TP63: variants seen among roughly 807,000 people sequenced by gnomAD.
TP63 encodes tumor protein 63.
Under a neutral mutation model 82.8 loss-of-function variants are expected in TP63, and 17 were observed. That is an observed-to-expected ratio of 0.21 (90% CI 0.14 to 0.31). TP63 has a LOEUF of 0.31. Ranked by LOEUF, TP63 falls within the 10% of genes least tolerant of loss-of-function variation. The probability of loss-of-function intolerance (pLI) is 1.00; values close to 1 mark genes in which losing one functional copy is unlikely to be tolerated. For synonymous variants in TP63, 330 were observed against 321.7 expected, an observed-to-expected ratio of 1.03 and a Z score of -0.28; for missense variants, 648 against 895.3, an observed-to-expected ratio of 0.72 and a Z score of 3.52.
chr3:189,643,659 T>A, intron 1 of TP63, among the ~76,000 whole-genome samples: 1 of 152,190 alleles, frequency 6.6e-6, no homozygotes, highest in East Asian at 1.9e-4. Context: ...TCACCATCAT[T>A]TCTTTCCATC....
the TP63 span, among the ~76,000 whole-genome samples, chr3:189,603,677 G>A: frequency 0.13 from 3,028 of 22,844 alleles, 438 homozygotes; most frequent in East Asian, 0.34. Flanking sequence ...AAAAAAAAAA[G>A]AAGCACAGTC....
chr3:189,777,872 T>TTTTTTTTTC (rs1723936412), intron 3 of TP63, among the ~76,000 whole-genome samples: 1 of 138,668 alleles, frequency 7.2e-6, no homozygotes, highest in African/African-American at 2.7e-5. Context: ...TTTTTTTTTT[T>TTTTTTTTTC]TGAGTCAGAG....
intron 3 of TP63, among the ~76,000 whole-genome samples, chr3:189,750,395 A>G (rs1377979646): frequency 6.6e-6 from 1 of 152,170 alleles, no homozygotes; most frequent in Non-Finnish European, 1.5e-5. Flanking sequence ...TATAAGTTCT[A>G]ATGTTGAATA....
intron 3 of TP63, among the ~76,000 whole-genome samples, chr3:189,768,545 T>C (rs1159440650): frequency 1.3e-5 from 2 of 152,096 alleles, no homozygotes; most frequent in African/African-American, 4.8e-5. Context: ...GAAAGACAAA[T>C]AGTAAGAAAA....
At chr3:189,776,336 G>A (rs1014891037) in intron 3 of TP63, among the ~76,000 whole-genome samples, 3 of 152,192 alleles carry the variant, frequency 2.0e-5, no homozygotes, top group African/African-American at 2.4e-5. Flanking sequence ...CTCCAGAGAC[G>A]GAGACAGAGC....
At chr3:189,673,085 CCCT>C (rs142751038) in intron 1 of TP63, among the ~76,000 whole-genome samples, 3,460 of 152,170 alleles carry the variant, frequency 0.023, 137 homozygotes, top group African/African-American at 0.079. Flanking sequence ...AGGTGATCCA[CCCT>C]CCTCAGCCTC....
intron 3 of TP63, among the ~76,000 whole-genome samples, chr3:189,782,862 A>T (rs1431337394): frequency 2.0e-5 from 3 of 152,110 alleles, no homozygotes; most frequent in Admixed American, 1.3e-4. Flanking sequence ...AAGAAATTTT[A>T]AAAAATATTT....
chr3:189,691,338 C>CAAAAAAAAAAAAAAAAAAAAA (rs781098833), intron 1 of TP63, among the ~76,000 whole-genome samples: 11 of 67,088 alleles, frequency 1.6e-4, no homozygotes, highest in Admixed American at 2.0e-4. Context: ...GACTCCATCT[C>CAAAAAAAAAAAAAAAAAAAAA]AAAAAAAAAA....
At chr3:189,881,597 C>T in intron 10 of TP63, 1 of 845,640 alleles carries the variant, frequency 1.2e-6, no homozygotes, top group Non-Finnish European at 1.4e-6. Context: ...GTCTAAGGAA[C>T]AAGAATAATA....
chr3:189,716,085 A>G (rs1433190853), intron 1 of TP63, among the ~76,000 whole-genome samples: 1 of 152,192 alleles, frequency 6.6e-6, no homozygotes, highest in Non-Finnish European at 1.5e-5. Flanking sequence ...CATATGAGGA[A>G]ACTGAGGCTT....
the TP63 span, among the ~76,000 whole-genome samples, chr3:189,618,796 ATTATATATCCATTCTAG>A: frequency 6.6e-6 from 1 of 152,062 alleles, no homozygotes; most frequent in Non-Finnish European, 1.5e-5. Flanking sequence ...CTGGCTTCAT[ATTATATATCCATTCTAG>A]CCATGTCCTC....
At chr3:189,770,997 A>T (rs1486261699) in intron 3 of TP63, among the ~76,000 whole-genome samples, 1 of 152,092 alleles carries the variant, frequency 6.6e-6, no homozygotes, top group African/African-American at 2.4e-5. Flanking sequence ...CCTCACAACA[A>T]CAGGCAATGT....
chr3:189,857,767 C>T (rs1716470419), intron 4 of TP63, among the ~76,000 whole-genome samples: 1 of 152,110 alleles, frequency 6.6e-6, no homozygotes, highest in African/African-American at 2.4e-5. Context: ...TATCACTAAT[C>T]AGGGAAATGC....
In TP63 at chr3:189,866,629, T is replaced by A. The variant is rs1717758660; in HGVS notation, c.767-53T>A. ...CCTGTTCATGCAATTTCATTTTATTTTCTTTATTTTTAAGGTAAAGAACTA... is the reference window on the plus strand; with the variant it reads ...CCTGTTCATGCAATTTCATTTTATTATCTTTATTTTTAAGGTAAAGAACTA... On this transcript the variant is annotated intron_variant, in intron 5 of 13. Coordinates refer to ENST00000264731, the MANE Select transcript of TP63 (RefSeq NM_003722.5). 3.3e-6 allele frequency: 5 copies of A among 1,506,718 alleles called. No homozygotes were observed. The South Asian group carries it at 5.8e-5, about 17-fold the overall frequency. 93.3% of individuals were successfully genotyped at this position (1,506,718 alleles called of 1,614,324 possible).
At chr3:189,825,329 A>G (rs1465104769) in intron 4 of TP63, among the ~76,000 whole-genome samples, 3 of 152,226 alleles carry the variant, frequency 2.0e-5, no homozygotes, top group Admixed American at 2.0e-4. Flanking sequence ...AGCAGTGCCA[A>G]TATTGAGCTA....
intron 7 of TP63, 31 bp from the exon 8 acceptor site, chr3:189,868,549 A>T (rs1212969046): frequency 6.2e-7 from 1 of 1,613,138 alleles, no homozygotes; most frequent in Non-Finnish European, 8.5e-7. Context: ...TTTGAATTTA[A>T]CTCTTTCTTC....
At chr3:189,694,432 A>T (rs1212993372) in intron 1 of TP63, among the ~76,000 whole-genome samples, 3 of 152,070 alleles carry the variant, frequency 2.0e-5, no homozygotes, top group Non-Finnish European at 4.4e-5. Context: ...TTTAGCCATC[A>T]TGTTGCCTTA....
chr3:189,771,322 ATT>A (rs1491409624), intron 3 of TP63, among the ~76,000 whole-genome samples: 4 of 136,886 alleles, frequency 2.9e-5, no homozygotes, highest in African/African-American at 8.3e-5. Context: ...TATATTATAT[ATT>A]TATATATAAT....
At chr3:189,814,303 T>C (rs181482019) in intron 4 of TP63, among the ~76,000 whole-genome samples, 29 of 152,274 alleles carry the variant, frequency 1.9e-4, no homozygotes, top group Non-Finnish European at 5.9e-5. Flanking sequence ...CGATGGTAAA[T>C]AGGATTTATC....
Sources: allele counts gnomAD v4.1 joint callset (sites outside exome capture counted in the v4.1 genomes callset), GRCh38; gene constraint gnomAD v4.1.1; transcripts MANE v1.5; gene names NCBI Gene and HGNC (gene_info 2026-07-23, HGNC 2026-07-21).